Variants in KCNN2 observed in about 807,000 individuals in gnomAD.
KCNN2 encodes potassium calcium-activated channel subfamily N member 2, also known as small conductance calcium-activated potassium channel protein 2.
In KCNN2, 24 loss-of-function variants were observed where a neutral mutation model predicts 55.5. The observed-to-expected ratio is 0.43, with a 90% CI of 0.31 to 0.61. The LOEUF is 0.61. KCNN2 is among the 20% of genes least tolerant of loss of function. KCNN2 has a pLI of 0.08. For missense variants in KCNN2, 754 were observed against 853.6 expected (o/e 0.88, Z 1.45); for synonymous variants, 431 against 336.1 (o/e 1.28, Z -3.09).
intron 1 of KCNN2, among the ~76,000 whole-genome samples, chr5:114,131,184 A>C (rs1433036343): frequency 6.6e-6 from 1 of 152,190 alleles, no homozygotes; most frequent in Non-Finnish European, 1.5e-5. Context: ...TTTGTTAAAT[A>C]GGTAAACACA....
chr5:114,158,322 G>A (rs1023173147), intron 1 of KCNN2, among the ~76,000 whole-genome samples: 2 of 152,120 alleles, frequency 1.3e-5, no homozygotes, highest in East Asian at 1.9e-4. Context: ...TAGTTATGCG[G>A]CATTATTTCT....
intron 1 of KCNN2, among the ~76,000 whole-genome samples, chr5:114,110,977 A>C (rs116251217): frequency 1.3e-5 from 2 of 152,144 alleles, no homozygotes; most frequent in Admixed American, 1.3e-4. Flanking sequence ...GGAAACAATT[A>C]CTCTAAAGTT....
chr5:114,368,048 C>T (rs1757654610), intron 2 of KCNN2, among the ~76,000 whole-genome samples: 2 of 152,062 alleles, frequency 1.3e-5, no homozygotes, highest in South Asian at 4.1e-4. Flanking sequence ...CACTTATACA[C>T]AGATTTTTTT....
intron 1 of KCNN2, among the ~76,000 whole-genome samples, chr5:114,088,418 A>G (rs1751062173): frequency 6.7e-6 from 1 of 150,310 alleles, no homozygotes; most frequent in Non-Finnish European, 1.5e-5. Flanking sequence ...CTAACTTTTC[A>G]GTTCTGTTCT....
At chr5:114,452,574 G>A (rs1016312276) in intron 3 of KCNN2, among the ~76,000 whole-genome samples, 11 of 152,156 alleles carry the variant, frequency 7.2e-5, no homozygotes, top group Non-Finnish European at 1.2e-4. Flanking sequence ...CTGAAATAAA[G>A]CTAATTGATG....
chr5:114,301,169 C>G (rs981867575), intron 2 of KCNN2, among the ~76,000 whole-genome samples: 1 of 151,832 alleles, frequency 6.6e-6, no homozygotes, highest in East Asian at 1.9e-4. Flanking sequence ...AGGAGTGATT[C>G]TTGCTGATTC....
At chr5:114,277,222 G>A (rs1755509621) in intron 2 of KCNN2, among the ~76,000 whole-genome samples, 1 of 152,174 alleles carries the variant, frequency 6.6e-6, no homozygotes, top group Admixed American at 6.5e-5. Context: ...AGTCTGATGG[G>A]CTTTCCTTTG....
chr5:114,108,107 T>A (rs1284709296), intron 1 of KCNN2, among the ~76,000 whole-genome samples: 1 of 152,044 alleles, frequency 6.6e-6, no homozygotes, highest in Non-Finnish European at 1.5e-5. Context: ...ATTTTCTTTT[T>A]TTGAAAGCCT....
intron 1 of KCNN2, among the ~76,000 whole-genome samples, chr5:114,105,896 A>G (rs1157929148): frequency 6.6e-6 from 1 of 151,912 alleles, no homozygotes; most frequent in Non-Finnish European, 1.5e-5. Flanking sequence ...ATTTCTTGTT[A>G]TACTTATTCT....
intron 2 of KCNN2, among the ~76,000 whole-genome samples, chr5:114,283,948 T>A (rs1018678149): frequency 6.6e-6 from 1 of 152,140 alleles, no homozygotes; most frequent in Admixed American, 6.5e-5. Flanking sequence ...ACCCAAGAGG[T>A]CAGCTTGCCT....
chr5:114,090,175 A>G (rs926065048), intron 1 of KCNN2, among the ~76,000 whole-genome samples: 2 of 152,170 alleles, frequency 1.3e-5, no homozygotes, highest in South Asian at 2.1e-4. Flanking sequence ...TAAAATTTAA[A>G]AGGTGGTATT....
chr5:114,275,844 T>C (rs895747719), intron 2 of KCNN2, among the ~76,000 whole-genome samples: 10 of 152,170 alleles, frequency 6.6e-5, no homozygotes, highest in African/African-American at 9.7e-5. Flanking sequence ...TCTGCTCTGA[T>C]CTCATTCTTT....
At chr5:114,089,047 A>G (rs1751081433) in intron 1 of KCNN2, among the ~76,000 whole-genome samples, 1 of 152,192 alleles carries the variant, frequency 6.6e-6, no homozygotes, top group African/African-American at 2.4e-5. Flanking sequence ...TGTTAATTCT[A>G]TCACCTGTCG....
chr5:114,145,326 G>C (rs1752376122), intron 1 of KCNN2, among the ~76,000 whole-genome samples: 1 of 152,158 alleles, frequency 6.6e-6, no homozygotes, highest in African/African-American at 2.4e-5. Flanking sequence ...AGTTCCTTCT[G>C]AACTAACACA....
intron 2 of KCNN2, among the ~76,000 whole-genome samples, chr5:114,233,473 C>T (rs953638225): frequency 6.6e-6 from 1 of 151,854 alleles, no homozygotes; most frequent in Non-Finnish European, 1.5e-5. Context: ...TTTTGTTTTT[C>T]AATAGGACCA....
intron 2 of KCNN2, among the ~76,000 whole-genome samples, chr5:114,348,182 A>G (rs182725950): frequency 6.6e-6 from 1 of 150,956 alleles, no homozygotes; most frequent in Admixed American, 6.6e-5. Flanking sequence ...GCTCGGTCTC[A>G]TGATGCTGTA....
chr5:114,432,866 C>T (rs1310215425), intron 3 of KCNN2, among the ~76,000 whole-genome samples: 2 of 152,234 alleles, frequency 1.3e-5, no homozygotes, highest in East Asian at 1.9e-4. Context: ...CCAGCAGTGC[C>T]AGCTCACCAG....
At chr5:114,348,108 G>T (rs1757145586) in intron 2 of KCNN2, among the ~76,000 whole-genome samples, 1 of 152,060 alleles carries the variant, frequency 6.6e-6, no homozygotes, top group Non-Finnish European at 1.5e-5. Context: ...GTGCACTTTT[G>T]CTGCCAACTC....
At chr5:114,135,113 C>T (rs1358542461) in intron 1 of KCNN2, among the ~76,000 whole-genome samples, 1 of 152,082 alleles carries the variant, frequency 6.6e-6, no homozygotes, top group Non-Finnish European at 1.5e-5. Context: ...GAGTGTAGAT[C>T]TGGGAGAGCT....
Sources: allele counts gnomAD v4.1 joint callset (sites outside exome capture counted in the v4.1 genomes callset), GRCh38; gene constraint gnomAD v4.1.1; transcripts MANE v1.5; gene names NCBI Gene and HGNC (gene_info 2026-07-23, HGNC 2026-07-21).